Variants in ASB14 observed in about 807,000 individuals in gnomAD.
The protein encoded by ASB14 is ankyrin repeat and SOCS box protein 14.
In ASB14, 63 loss-of-function variants were observed where a neutral mutation model predicts 55.6. The observed-to-expected ratio is 1.13, with a 90% CI of 0.92 to 1.40. The LOEUF (loss-of-function observed/expected upper bound fraction) is 1.40. Among genes scored for constraint, ASB14 ranks in the 40% most tolerant of loss-of-function variants. The pLI is 0.00. For synonymous variants in ASB14, 256 were observed against 259.9 expected (o/e 0.98, Z 0.15); for missense variants, 724 against 710.4 (o/e 1.02, Z -0.22).
chr3:57,278,918 G>C lies in ASB14; in HGVS notation c.890C>G (p.Ala297Gly). The change falls in exon 8 of 11, where the codon GCT becomes GGT. Residue 297 changes from alanine (A) to glycine (G), a missense_variant and splice_region_variant. By Grantham distance (60) the Ala-to-Gly change is moderately conservative (BLOSUM62 0). Coordinates refer to ENST00000487349, the MANE Select transcript of ASB14 (RefSeq NM_001142733.3). ...HVAADRGHLL[A>G]LKILIPVTDL... ...CGTAACTGGAATCAGTATCTTTAGA[G>C]CTCTGAGAAAGAATTTCAAAATGCA... 1.9e-6 allele frequency: 3 copies of C among 1,607,236 alleles called. No homozygotes were observed. The highest frequency in any genetic ancestry group is 2.6e-6 in the Non-Finnish European group (3 of 1,175,138).
At position 57,269,520 on chromosome 3, in the gene ASB14, CTT is replaced by C; in HGVS notation, c.*119_*120del. ...TGACTGCAGACAAGTAACTTAGTTT[CTT>C]TTTTGTCTTTTCCACTAGGACTTGG... On this transcript the variant is annotated 3_prime_UTR_variant, in exon 11 of 11. Coordinates refer to ENST00000487349, the MANE Select transcript of ASB14 (RefSeq NM_001142733.3). 3.1e-6 allele frequency: 5 copies of C among 1,609,918 alleles called. No individual in the cohort carries two copies. The highest frequency in any genetic ancestry group is 4.2e-6 in the Non-Finnish European group (5 of 1,178,220).
intron 10 of ASB14, 83 bp from the exon 11 acceptor site, chr3:57,269,701 G>A (rs753768116): frequency 1.9e-6 from 3 of 1,612,812 alleles, no homozygotes; most frequent in South Asian, 1.1e-5. Context: ...TATACTTTTG[G>A]TAGATATTCC....
intron 9 of ASB14, among the ~76,000 whole-genome samples, chr3:57,277,257 T>A: frequency 1.9e-5 from 2 of 102,704 alleles, no homozygotes; most frequent in African/African-American, 4.8e-5. Context: ...ACACAGACTC[T>A]GTCTCAAAAA....
At chr3:57,291,406 T>TC (rs1415559155) in intron 2 of ASB14, among the ~76,000 whole-genome samples, 2 of 152,178 alleles carry the variant, frequency 1.3e-5, no homozygotes, top group Non-Finnish European at 2.9e-5. Flanking sequence ...CCACACAGGG[T>TC]CCCACTGGTC....
chr3:57,289,039 C>A (rs1453210391), intron 3 of ASB14, 29 bp downstream of exon 3: 1 of 1,461,276 alleles, frequency 6.8e-7, no homozygotes, highest in East Asian at 2.5e-5. Flanking sequence ...CACATCTTAC[C>A]ACAAGTTAAA....
At chr3:57,291,259 T>G (rs1193068686) in intron 2 of ASB14, among the ~76,000 whole-genome samples, 2 of 152,298 alleles carry the variant, frequency 1.3e-5, no homozygotes, top group African/African-American at 2.4e-5. Context: ...AGCAGGCAAA[T>G]AGAGATTACC....
At chr3:57,280,276 T>C (rs1287287311) in intron 7 of ASB14, 26 bp downstream of exon 7, 1 of 1,475,038 alleles carries the variant, frequency 6.8e-7, no homozygotes, top group East Asian at 2.5e-5. Flanking sequence ...GTTTTTATTA[T>C]TTATAATAAT....
chr3:57,291,702 CCTT>C (rs1343035800), intron 2 of ASB14, among the ~76,000 whole-genome samples: 1 of 152,184 alleles, frequency 6.6e-6, no homozygotes, highest in African/African-American at 2.4e-5. Flanking sequence ...CTGCTAACCT[CCTT>C]CAGATATTTT....
chr3:57,287,233 G>C (rs1226654719), intron 5 of ASB14, among the ~76,000 whole-genome samples: 2 of 152,188 alleles, frequency 1.3e-5, no homozygotes. Context: ...CTTGTGGACT[G>C]TAGGTTTAAC....
At chr3:57,286,674 C>T (rs1241476530) in intron 5 of ASB14, among the ~76,000 whole-genome samples, 3 of 152,180 alleles carry the variant, frequency 2.0e-5, no homozygotes, top group African/African-American at 7.2e-5. Flanking sequence ...TGCTCTAAGA[C>T]TAAGACTAGA....
intron 6 of ASB14, 158 bp downstream of exon 6, chr3:57,283,036 T>C: frequency 2.8e-6 from 3 of 1,086,942 alleles, no homozygotes; most frequent in Non-Finnish European, 3.8e-6. Flanking sequence ...AGTCTTTATG[T>C]TAGGCTTCTC....
At chr3:57,273,307 C>T (rs766139438) in intron 10 of ASB14, 10 of 152,504 alleles carry the variant, frequency 6.6e-5, no homozygotes, top group Non-Finnish European at 8.8e-5. Context: ...TTGAAGAACT[C>T]GACTTTATGT....
chr3:57,284,122 G>GTGTGTGTGTA (rs945228754), intron 5 of ASB14, among the ~76,000 whole-genome samples: 9 of 150,708 alleles, frequency 6.0e-5, no homozygotes, highest in African/African-American at 2.5e-5. Context: ...GTGTGTGTGT[G>GTGTGTGTGTA]TGTATGTATG....
At chr3:57,278,290 A>G (rs2061007192) in intron 8 of ASB14, 87 bp downstream of exon 8, 2 of 1,039,326 alleles carry the variant, frequency 1.9e-6, no homozygotes, top group Non-Finnish European at 2.9e-6. Flanking sequence ...AAGCCTCTGG[A>G]GAGAGTGGAT....
intron 3 of ASB14, among the ~76,000 whole-genome samples, chr3:57,288,712 T>C (rs1422624117): frequency 7.9e-5 from 11 of 139,614 alleles, no homozygotes; most frequent in African/African-American, 2.6e-4. Flanking sequence ...TCTTTCCTTT[T>C]TTTTTTTTTT....
At chr3:57,287,617 C>T (rs907778) in intron 5 of ASB14, among the ~76,000 whole-genome samples, 27,682 of 152,060 alleles carry the variant, frequency 0.18, 2,798 homozygotes, top group African/African-American at 0.25. Context: ...TTCACCCCTG[C>T]TCCATGAGGT....
At chr3:57,284,941 GTTTTTTT>G (rs10648367) in intron 5 of ASB14, among the ~76,000 whole-genome samples, 1 of 132,168 alleles carries the variant, frequency 7.6e-6, no homozygotes, top group African/African-American at 2.8e-5. Flanking sequence ...TTTCAGTGTT[GTTTTTTT>G]TTTTTTTTTG....
At chr3:57,290,366 C>A (rs1050203730) in intron 2 of ASB14, among the ~76,000 whole-genome samples, 5 of 152,186 alleles carry the variant, frequency 3.3e-5, no homozygotes, top group South Asian at 2.1e-4. Context: ...TTTAACACTG[C>A]CATCTCCCAA....
chr3:57,288,708 C>CTTTTTTTTTTTTTTTTTTTT (rs747854434), intron 3 of ASB14, among the ~76,000 whole-genome samples: 1 of 102,392 alleles, frequency 9.8e-6, no homozygotes, highest in Non-Finnish European at 1.8e-5. Flanking sequence ...CATATCTTTC[C>CTTTTTTTTTTTTTTTTTTTT]TTTTTTTTTT....
Sources: gnomAD v4.1 joint callset for allele counts (sites outside exome capture counted in the v4.1 genomes callset) on GRCh38, gnomAD v4.1.1 for gene constraint, MANE v1.5 for transcripts, NCBI Gene and HGNC (gene_info 2026-07-23, HGNC 2026-07-21) for gene names.